RASEF: variants seen among roughly 807,000 people sequenced by gnomAD.
RASEF encodes the protein RAS and EF-hand domain containing.
In RASEF, 68 loss-of-function variants were observed where a neutral mutation model predicts 90.1. That is an observed-to-expected ratio of 0.75 (90% CI 0.62 to 0.92). RASEF has a LOEUF of 0.92. Among genes scored for constraint, RASEF ranks in the 40% least tolerant of loss-of-function variants. The pLI, the probability that RASEF is intolerant of heterozygous loss-of-function variation, is 0.00. For synonymous variants in RASEF, 331 were observed against 345.2 expected, an observed-to-expected ratio of 0.96 and a Z score of 0.46; for missense variants, 949 against 937.2, an observed-to-expected ratio of 1.01 and a Z score of -0.16.
the RASEF span, among the ~76,000 whole-genome samples, chr9:83,161,978 T>C: frequency 1.3e-5 from 2 of 152,026 alleles, no homozygotes; most frequent in East Asian, 1.9e-4. Context: ...CCAATAAACC[T>C]CTTTCTTCTG....
intron 14 of RASEF, among the ~76,000 whole-genome samples, chr9:82,994,151 T>C (rs1459037181): frequency 8.8e-6 from 1 of 113,652 alleles, no homozygotes; most frequent in Non-Finnish European, 2.0e-5. Context: ...GCAACTTTCC[T>C]TGGACTGAAG....
chr9:83,214,632 C>A, the RASEF span, among the ~76,000 whole-genome samples: 1 of 152,092 alleles, frequency 6.6e-6, no homozygotes, highest in East Asian at 1.9e-4. Context: ...GTAATTGAAT[C>A]ATGGTGGTGG....
rs1031696426 is a variant in RASEF at position 83,017,058 on chromosome 9, T to C, written c.670-1158A>G. ...CAACAATTTCTGCCTGCCTCACATGTGGATGAAGACACAGAGGCCTCACAA... is the reference window on the plus strand; with the variant it reads ...CAACAATTTCTGCCTGCCTCACATGCGGATGAAGACACAGAGGCCTCACAA... On this transcript the variant is annotated intron_variant, in intron 3 of 16. Coordinates refer to ENST00000376447, the MANE Select transcript of RASEF (RefSeq NM_152573.4). 3.9e-5 allele frequency among the ~76,000 whole-genome samples: 6 copies of C among 152,252 alleles called. No individual in the cohort carries two copies. The South Asian group carries it at 1.0e-3, about 26-fold the overall frequency.
At chr9:83,012,340 C>T (rs2118510877) in intron 5 of RASEF, 94 bp downstream of exon 5, 2 of 602,028 alleles carry the variant, frequency 3.3e-6, no homozygotes, top group South Asian at 2.8e-5. Flanking sequence ...TATTAACTTC[C>T]CTTTAAGCTG....
the RASEF span, among the ~76,000 whole-genome samples, chr9:83,165,717 G>T: frequency 6.6e-6 from 1 of 151,986 alleles, no homozygotes; most frequent in Admixed American, 6.6e-5. Context: ...CCAAAAGCTG[G>T]TTCTGTGAAA....
upstream of RASEF, among the ~76,000 whole-genome samples, chr9:83,064,170 AT>A (rs1830261532): frequency 6.6e-6 from 1 of 152,244 alleles, no homozygotes; most frequent in African/African-American, 2.4e-5. Context: ...GTTCTTAAAC[AT>A]AAAGCTAAGT....
chr9:83,034,934 T>C (rs1829713129), intron 1 of RASEF, among the ~76,000 whole-genome samples: 1 of 152,186 alleles, frequency 6.6e-6, no homozygotes, highest in Admixed American at 6.5e-5. Context: ...AGCCACTGTT[T>C]CCATCCATTA....
At chr9:83,044,815 T>C (rs1010924585) in intron 1 of RASEF, among the ~76,000 whole-genome samples, 3 of 152,236 alleles carry the variant, frequency 2.0e-5, no homozygotes, top group Non-Finnish European at 4.4e-5. Context: ...AGGTACTCTG[T>C]ACATGAGATT....
chr9:83,007,474 C>G lies in RASEF; in HGVS notation c.991G>C (p.Asp331His). Residue 331 changes from aspartate to histidine, a missense_variant, in exon 7 of 17, where the codon GAT (aspartate) becomes CAT (histidine). Physicochemically the swap from Asp to His is moderately conservative, Grantham distance 81. Around this residue, in one of 3 missense-constraint regions of RASEF, gnomAD observed 656 missense variants for 592.2 expected, o/e 1.11. Coordinates refer to ENST00000376447, the MANE Select transcript of RASEF (RefSeq NM_152573.4). ...ATTTGCCTCTCAAGACTATTTCGAT[C>G]TTCTGTGTATGCTCGGATTATTTCC... ...DLEIIRAYTE[D>H]RNSLERQIEI... The G allele has an allele frequency of 3.1e-6, 5 of 1,613,268 alleles. No individual in the cohort carries two copies. The highest frequency in any genetic ancestry group is 4.2e-6 in the Non-Finnish European group (5 of 1,179,210).
chr9:83,007,620 A>G, intron 6 of RASEF, 115 bp from the exon 7 acceptor site: 1 of 768,624 alleles, frequency 1.3e-6, no homozygotes, highest in Non-Finnish European at 2.3e-6. Flanking sequence ...CCTTGGCCAC[A>G]GTTTTCTATC....
chr9:83,118,266 G>A, the RASEF span, among the ~76,000 whole-genome samples: 2 of 150,650 alleles, frequency 1.3e-5, no homozygotes, highest in Non-Finnish European at 1.5e-5. Flanking sequence ...AAGGCTGAAA[G>A]TTTAAAAAAA....
the RASEF span, among the ~76,000 whole-genome samples, chr9:83,069,773 T>C: frequency 6.6e-6 from 1 of 152,212 alleles, no homozygotes; most frequent in Non-Finnish European, 1.5e-5. Context: ...AATTTAACAT[T>C]CCTACCTGAA....
At chr9:83,115,164 G>T in the RASEF span, among the ~76,000 whole-genome samples, 2 of 152,054 alleles carry the variant, frequency 1.3e-5, no homozygotes, top group Non-Finnish European at 2.9e-5. Flanking sequence ...AATTTCACCC[G>T]ATATCTAGCT....
chr9:83,165,143 T>TC, the RASEF span, among the ~76,000 whole-genome samples: 1 of 152,068 alleles, frequency 6.6e-6, no homozygotes, highest in African/African-American at 2.4e-5. Flanking sequence ...AACACCACCA[T>TC]CAATTGACTG....
At chr9:83,089,361 A>T in the RASEF span, among the ~76,000 whole-genome samples, 1 of 152,116 alleles carries the variant, frequency 6.6e-6, no homozygotes, top group African/African-American at 2.4e-5. Flanking sequence ...TTACCTATGT[A>T]GTTACCTGTT....
chr9:83,062,321 C>T, intron 1 of RASEF, 116 bp downstream of exon 1: 5 of 943,682 alleles, frequency 5.3e-6, no homozygotes, highest in Non-Finnish European at 7.8e-6. Flanking sequence ...GGAAGACAAG[C>T]AACTCACAGA....
chr9:83,092,016 T>C, the RASEF span, among the ~76,000 whole-genome samples: 4 of 141,422 alleles, frequency 2.8e-5, no homozygotes, highest in African/African-American at 1.0e-4. Context: ...TTTTTTTTTT[T>C]TTTTTTTTTT....
chr9:83,122,359 T>C, the RASEF span, among the ~76,000 whole-genome samples: 1 of 152,218 alleles, frequency 6.6e-6, no homozygotes, highest in African/African-American at 2.4e-5. Flanking sequence ...GGCGATTTAG[T>C]AACTAATAAC....
the RASEF span, among the ~76,000 whole-genome samples, chr9:83,185,763 A>G: frequency 6.6e-6 from 1 of 152,114 alleles, no homozygotes; most frequent in South Asian, 2.1e-4. Context: ...TCTGAACTCA[A>G]TCCAGGGACA....
Sources: allele counts gnomAD v4.1 joint callset (sites outside exome capture counted in the v4.1 genomes callset), GRCh38; gene constraint gnomAD v4.1.1; regional missense constraint gnomAD v4.1.1; transcripts MANE v1.5; gene names NCBI Gene and HGNC (gene_info 2026-07-23, HGNC 2026-07-21).